CCDC188: variants seen among roughly 807,000 people sequenced by gnomAD.
CCDC188 encodes coiled-coil domain containing 188.
CCDC188 carries 37 observed loss-of-function variants against 50.7 expected under a neutral mutation model. That is an observed-to-expected ratio of 0.73 (90% CI 0.56 to 0.96). The LOEUF is 0.96. Among genes scored for constraint, CCDC188 ranks in the 40% least tolerant of loss-of-function variants. CCDC188 has a pLI of 0.00. For missense variants in CCDC188, 453 were observed against 512.9 expected (o/e 0.88, Z 1.13); for synonymous variants, 208 against 228.0 (o/e 0.91, Z 0.79).
At position 20,150,862 on chromosome 22, in the gene CCDC188, C is replaced by A; in HGVS notation, c.125G>T (p.Cys42Phe). Residue 42 changes from cysteine (C) to phenylalanine (F), a missense_variant, in exon 1 of 9, where the codon TGC becomes TTC. Physicochemically the swap from Cys to Phe is radical, Grantham distance 205 (BLOSUM62 -2). Coordinates refer to ENST00000439765, the MANE Select transcript of CCDC188 (RefSeq NM_001365892.2). The part of the protein sequence containing the change: ...QPCQGFVGWP[C>F]LGPISSAHSV... ...GTGAGCAGAGGAGATGGGGCCCAGG[C>A]AGGGCCACCCTACAAATCCCTGGCA... is the stretch of plus-strand genomic sequence containing the variant. The A allele has an allele frequency of 6.6e-7, 1 of 1,512,268 alleles. No homozygotes were observed. 93.7% of individuals were successfully genotyped at this position (1,512,268 alleles called of 1,614,324 possible).
intron 6 of CCDC188, 67 bp downstream of exon 6, chr22:20,149,343 CTG>C: frequency 6.5e-7 from 1 of 1,546,968 alleles, no homozygotes; most frequent in South Asian, 1.2e-5. Flanking sequence ...AAGGATGGGT[CTG>C]CCCTGTCCTG....
Position 20,150,937 on chromosome 22 carries a change from C to T in CCDC188, c.50G>A (p.Cys17Tyr). The T allele has an allele frequency of 7.2e-7, 1 of 1,387,992 alleles. No homozygotes were observed. The highest frequency in any genetic ancestry group is 9.5e-7 in the Non-Finnish European group (1 of 1,058,064). The allele number at this position is 1,387,992 out of a possible 1,614,324, so 86.0% of individuals were successfully genotyped here. Residue 17 changes from cysteine to tyrosine, a missense_variant, in exon 1 of 9, where the codon TGT becomes TAT. By Grantham distance (194) the Cys-to-Tyr change is radical (BLOSUM62 -2). Transcript: ENST00000439765. ...GCTGCTGGAGGCTGGGGTTGGGGGA[C>T]ACTGGGGGTGGGGGTGGCCGCAGGG... Reference protein sequence around the residue: ...LGPCGHPHPQCPPTPASSSHG... With the variant: ...LGPCGHPHPQYPPTPASSSHG...
chr22:20,148,579 C>T lies in CCDC188; in HGVS notation c.*35G>A, dbSNP rs1392048755. The stretch of plus-strand genomic sequence containing the variant: ...TGGGCATCCGGGGCAGTGCTGGTCG[C>T]CTGGCCTCCTTGCTGGGGCCGCTGG... On this transcript the variant is annotated 3_prime_UTR_variant, in exon 9 of 9. Coordinates refer to ENST00000439765, the MANE Select transcript of CCDC188 (RefSeq NM_001365892.2). 2 of 1,508,724 alleles carry T rather than the reference C, an allele frequency of 1.3e-6. No homozygotes were observed. Among genetic ancestry groups the T allele is most frequent in the Admixed American group, 2.2e-5 (1 of 45,234 alleles). The allele number at this position is 1,508,724 out of a possible 1,614,324, so 93.5% of individuals were successfully genotyped here. A position where few individuals can be genotyped will look rare whatever the true frequency, so the allele number is the denominator to read the frequency against.
rs751038317 is a variant in CCDC188 at position 20,149,923 on chromosome 22, C to A, written c.732+32G>T. The A allele has an allele frequency of 5.1e-5, 77 of 1,516,432 alleles. 1 individual carries two copies. In the South Asian group the frequency reaches 6.0e-4, roughly 12 times the overall value. 93.9% of individuals were successfully genotyped at this position (1,516,432 alleles called of 1,614,324 possible). On this transcript the variant is annotated intron_variant, in intron 3 of 8. Coordinates refer to ENST00000439765, the MANE Select transcript of CCDC188 (RefSeq NM_001365892.2). ...ACCTGGAGTGCTGTTACGAAGCTTC[C>A]TCCCCCCCCACAGCCCCTCCCCCAG... is the stretch of plus-strand genomic sequence containing the variant.
chr22:20,149,317 G>T, intron 6 of CCDC188, 73 bp from the exon 7 acceptor site: 1 of 1,544,018 alleles, frequency 6.5e-7, no homozygotes, highest in Non-Finnish European at 8.8e-7. Flanking sequence ...GCTCGGTGCT[G>T]TGGAGGTGGG....
Position 20,150,471 on chromosome 22 carries a change from G to C in CCDC188, c.516C>G (p.Ser172Arg). 4 of 1,538,734 alleles carry C rather than the reference G, an allele frequency of 2.6e-6. No individual in the cohort carries two copies. Among genetic ancestry groups the C allele is most frequent in the Non-Finnish European group, 3.5e-6 (4 of 1,146,138 alleles). The change falls in exon 1 of 9, where the codon AGC becomes AGG. Residue 172 changes from serine (S) to arginine (R), a missense_variant. Coordinates refer to ENST00000439765, the MANE Select transcript of CCDC188 (RefSeq NM_001365892.2). ...SFLQLEQENH[S>R]LKRQNQELRE... ...GGGCGGTGGGTGGGGTGCTCACCAG[G>C]CTGTGGTTCTCCTGCTCCAGCTGCA...
Position 20,148,708 on chromosome 22 carries a change from AC to A in CCDC188, c.1114del (p.Val372CysfsTer5). Reference sequence around the variant, plus strand: ...GGTGGCACGGCTCAGCAGGGGTGGCACCAGCCCCTCGAAAGGTGTGGGGTTC... The same window carrying A: ...GGTGGCACGGCTCAGCAGGGGTGGCACAGCCCCTCGAAAGGTGTGGGGTTC... ...VVNPTPFEGL[V>X]PPLLSRATVW... On this transcript the variant is annotated frameshift_variant, in exon 9 of 9. Transcript: ENST00000439765. LOFTEE classifies it high-confidence loss of function. 1 of 1,538,656 alleles carries A rather than the reference AC, an allele frequency of 6.5e-7. No homozygotes were observed. Among genetic ancestry groups the A allele is most frequent in the South Asian group, 1.2e-5 (1 of 82,918 alleles).
chr22:20,149,140 G>T, intron 7 of CCDC188, 47 bp downstream of exon 7: 1 of 1,389,128 alleles, frequency 7.2e-7, no homozygotes, highest in Non-Finnish European at 9.6e-7. Flanking sequence ...CAGGGCCCTG[G>T]GTGGGGGGCT....
At chr22:20,149,917 A>C (rs375379476) in intron 3 of CCDC188, 38 bp downstream of exon 3, 24 of 1,513,524 alleles carry the variant, frequency 1.6e-5, no homozygotes, top group Middle Eastern at 2.1e-4. Flanking sequence ...GCTGTTACGA[A>C]GCTTCCTCCC....
Position 20,149,236 on chromosome 22 carries a change from G to T in CCDC188, c.923C>A (p.Ala308Asp). The T allele has an allele frequency of 6.7e-7, 1 of 1,492,968 alleles. No individual in the cohort carries two copies. Among genetic ancestry groups the T allele is most frequent in the South Asian group, 1.3e-5 (1 of 74,114 alleles). The allele number at this position is 1,492,968 out of a possible 1,614,324, so 92.5% of individuals were successfully genotyped here. ...DIQLEILRER[A>D]QCRTRARKEK... is the part of the protein sequence containing the mutation. ...CTTCCTGGCTCGAGTGCGGCACTGGGCCCGCTCCCTGCGGGGGCCTCACTG... is the reference window on the plus strand; with the variant it reads ...CTTCCTGGCTCGAGTGCGGCACTGGTCCCGCTCCCTGCGGGGGCCTCACTG... Residue 308 changes from alanine to aspartate, a missense_variant, in exon 7 of 9, where the codon GCC becomes GAC. Physicochemically the swap from Ala to Asp is moderately radical, Grantham distance 126. Transcript: ENST00000439765.
In CCDC188 at chr22:20,150,655, G is replaced by A. The variant is rs2050610286; in HGVS notation, c.332C>T (p.Ser111Leu). The change falls in exon 1 of 9, where the codon TCG (serine) becomes TTG (leucine). Residue 111 changes from serine (S) to leucine (L), a missense_variant. Coordinates refer to ENST00000439765, the MANE Select transcript of CCDC188 (RefSeq NM_001365892.2). ...LGWGWPLHPG[S>L]NQGAPRQGGS... ...CCCCTGCCTGGGAGCCCCCTGGTTC[G>A]ACCCTGGGTGCAGGGGCCAGCCCCA... 1.3e-6 allele frequency: 2 copies of A among 1,546,394 alleles called. No homozygotes were observed. The highest frequency in any genetic ancestry group is 1.7e-6 in the Non-Finnish European group (2 of 1,144,152).
At position 20,149,405 on chromosome 22, in the gene CCDC188, G is replaced by T. The variant is rs184034836; in HGVS notation, c.914+7C>A. The T allele has an allele frequency of 4.8e-4, 749 of 1,550,216 alleles. 13 individuals are homozygous for T. The East Asian group carries it at 0.018, about 38-fold the overall frequency. On this transcript the variant is annotated splice_region_variant and intron_variant, in intron 6 of 8. Transcript: ENST00000439765. ...CTCAGCTGGCCCGGCCCCTGCCCCC[G>T]TGTTACCTGAGAATCTCCAGCTGGA... is the stretch of plus-strand genomic sequence containing the variant.
Position 20,149,787 on chromosome 22 carries a change from G to A in CCDC188, c.733-7C>T. 6.0e-6 allele frequency: 9 copies of A among 1,508,014 alleles called. No homozygotes were observed. Among genetic ancestry groups the A allele is most frequent in the Non-Finnish European group, 8.0e-6 (9 of 1,123,662 alleles). 93.4% of individuals were successfully genotyped at this position (1,508,014 alleles called of 1,614,324 possible). A position where few individuals can be genotyped will look rare whatever the true frequency, so the allele number is the denominator to read the frequency against. ...GGATCTGCTGCAGCTCGTTCTGAGG[G>A]TGGGGCCCAGGATGGGCTTGGGCAG... On this transcript the variant is annotated splice_polypyrimidine_tract_variant and splice_region_variant and intron_variant, in intron 3 of 8. Coordinates refer to ENST00000439765, the MANE Select transcript of CCDC188 (RefSeq NM_001365892.2).
Position 20,149,414 on chromosome 22 carries a change from G to A in CCDC188, c.912C>T (p.Leu304=), listed in dbSNP as rs1369196631. ...DQMEDIQLEI[L]RERAQCRTRA... The stretch of plus-strand genomic sequence containing the variant: ...CCCGGCCCCTGCCCCCGTGTTACCT[G>A]AGAATCTCCAGCTGGATGTCCTCCA... Residue 304 remains leucine, a splice_region_variant and synonymous_variant, in exon 6 of 9, where the codon CTC becomes CTT. Transcript: ENST00000439765. 1 of 1,550,314 alleles carries A rather than the reference G, an allele frequency of 6.5e-7. No homozygotes were observed. The highest frequency in any genetic ancestry group is 1.2e-5 in the South Asian group (1 of 84,066).
At position 20,148,909 on chromosome 22, in the gene CCDC188, G is replaced by A; in HGVS notation, c.988C>T (p.Leu330=). 6.6e-7 allele frequency: 1 copy of A among 1,515,570 alleles called. No individual in the cohort carries two copies. Among genetic ancestry groups the A allele is most frequent in the South Asian group, 1.3e-5 (1 of 79,896 alleles). The allele number at this position is 1,515,570 out of a possible 1,614,324, so 93.9% of individuals were successfully genotyped here. A position where few individuals can be genotyped will look rare whatever the true frequency, so the allele number is the denominator to read the frequency against. ...CCTGCCAGGCCCTTGGAGCTTCCCA[G>A]CTTTGGCCTCCCTTTCTGTCGGGGA... ...MASMSKGRPK[L]GSSKGLAGQL... Residue 330 remains leucine (L), a synonymous_variant, in exon 8 of 9, where the codon CTG becomes TTG. Coordinates refer to ENST00000439765, the MANE Select transcript of CCDC188 (RefSeq NM_001365892.2).
In CCDC188 at chr22:20,149,599, G is replaced by T; in HGVS notation, c.831C>A (p.Asn277Lys). ...NVAEMHMALN[N>K]QATGLLNLKK... The stretch of plus-strand genomic sequence containing the variant: ...GACCTACCAGGAGCCCGGTGGCCTG[G>T]TTGTTCAGGGCCATGTGCATCTCAG... Residue 277 changes from asparagine (N) to lysine (K), a missense_variant, in exon 5 of 9, where the codon AAC becomes AAA. Transcript: ENST00000439765. The T allele has an allele frequency of 6.5e-7, 1 of 1,550,204 alleles. No homozygotes were observed. Among genetic ancestry groups the T allele is most frequent in the Non-Finnish European group, 8.7e-7 (1 of 1,146,912 alleles).
chr22:20,150,758 G>A lies in CCDC188; in HGVS notation c.229C>T (p.Leu77Phe). 1.3e-6 allele frequency: 2 copies of A among 1,550,200 alleles called. No individual in the cohort carries two copies. Among genetic ancestry groups the A allele is most frequent in the African/African-American group, 1.4e-5 (1 of 73,166 alleles). Residue 77 changes from leucine (L) to phenylalanine (F), a missense_variant, in exon 1 of 9, where the codon CTC (leucine) becomes TTC (phenylalanine). Leu to Phe is a conservative substitution (Grantham distance 22). Transcript: ENST00000439765. The part of the protein sequence containing the change: ...GPTVEGEAPG[L>F]FLSSQEQRAR... ...CTCTGCTCCTGGCTGGACAGAAAGA[G>A]CCCGGGAGCCTCGCCCTCCACTGTG... is the stretch of plus-strand genomic sequence containing the variant.
rs542636352 is a variant in CCDC188, at chr22:20,148,645, C to T, written c.1178G>A (p.Arg393His). 52 of 1,547,080 alleles carry T rather than the reference C, an allele frequency of 3.4e-5. No homozygotes were observed. The East Asian group carries it at 3.4e-4, about 10-fold the overall frequency. The part of the protein sequence containing the change: ...KLRALLDPFL[R>H]LKVDGFLPF ...GGGCAGGAAGCCGTCCACTTTGAGG[C>T]GCAGGAAGGGGTCCAGCAGGGCCCG... Residue 393 changes from arginine (R) to histidine (H), a missense_variant, in exon 9 of 9, where the codon CGC becomes CAC. Coordinates refer to ENST00000439765, the MANE Select transcript of CCDC188 (RefSeq NM_001365892.2).
In CCDC188 at chr22:20,148,781, G is replaced by A; in HGVS notation, c.1042C>T (p.Leu348=). The change falls in exon 9 of 9, where the codon CTG becomes TTG. Residue 348 remains leucine, a synonymous_variant. Coordinates refer to ENST00000439765, the MANE Select transcript of CCDC188 (RefSeq NM_001365892.2). ...GTCCAGACCAGCAGGGCGCCCAGCAGCAGCCTCAGGGTCAGCAGCCTGCGG... is the reference window on the plus strand; with the variant it reads ...GTCCAGACCAGCAGGGCGCCCAGCAACAGCCTCAGGGTCAGCAGCCTGCGG... The part of the protein sequence containing the change: ...GQLWLLTLRL[L]LGALLVWTAA... 1.4e-6 allele frequency: 2 copies of A among 1,471,462 alleles called. No homozygotes were observed. Among genetic ancestry groups the A allele is most frequent in the Non-Finnish European group, 9.1e-7 (1 of 1,104,802 alleles). 91.2% of individuals were successfully genotyped at this position (1,471,462 alleles called of 1,614,324 possible). A position where few individuals can be genotyped will look rare whatever the true frequency, so the allele number is the denominator to read the frequency against.
Sources: gnomAD v4.1 joint callset for allele counts on GRCh38, gnomAD v4.1.1 for gene constraint, MANE v1.5 for transcripts, NCBI Gene and HGNC (gene_info 2026-07-23, HGNC 2026-07-21) for gene names.